The following BCAS3 variants were observed in gnomAD, a reference collection of about 807,000 sequenced individuals.
BCAS3 encodes BCAS3 microtubule associated cell migration factor.
A neutral mutation model predicts 116.1 loss-of-function variants in BCAS3; 53 were observed. The ratio of observed to expected loss-of-function variants is 0.46; its 90% CI spans 0.37 to 0.57. The LOEUF (loss-of-function observed/expected upper bound fraction) is 0.57, where lower values mean the gene tolerates loss of function less well. Ranked by LOEUF, BCAS3 falls within the 20% of genes least tolerant of loss-of-function variation. The probability of loss-of-function intolerance (pLI) is 0.00; values close to 1 mark genes in which losing one functional copy is unlikely to be tolerated. For missense variants in BCAS3, 917 were observed against 1,165.4 expected, an observed-to-expected ratio of 0.79 and a Z score of 3.10; for synonymous variants, 391 against 408.2, an observed-to-expected ratio of 0.96 and a Z score of 0.51.
At chr17:60,999,563 AAG>A (rs1487573426) in intron 15 of BCAS3, among the ~76,000 whole-genome samples, 8 of 149,056 alleles carry the variant, frequency 5.4e-5, no homozygotes, top group African/African-American at 1.8e-4. Flanking sequence ...AAAAAAAAAA[AAG>A]AAAAAGAAAA....
At chr17:60,861,415 A>T (rs553654819) in intron 7 of BCAS3, among the ~76,000 whole-genome samples, 1 of 152,298 alleles carries the variant, frequency 6.6e-6, no homozygotes, top group East Asian at 1.9e-4. Flanking sequence ...TTTTCTAGGT[A>T]TTGAATCATA....
rs1157997749 is a variant in BCAS3 at position 61,380,944 on chromosome 17, G to A, written c.2594-11033G>A. Among the ~76,000 whole-genome samples the A allele has an allele frequency of 6.6e-6, 1 of 152,226 alleles. No homozygotes were observed. Among genetic ancestry groups the A allele is most frequent in the Admixed American group, 6.5e-5 (1 of 15,290 alleles). ...TTTGATTTGTACCTATTCATTTGCA[G>A]TCCCTGCAGGAGCCTGGAGCTGGCC... is the stretch of plus-strand genomic sequence containing the variant. On this transcript the variant is annotated intron_variant, in intron 23 of 23. Coordinates refer to ENST00000407086, the MANE Select transcript of BCAS3 (RefSeq NM_017679.5). The surrounding 1 kb of genome is among the most constrained non-coding windows in gnomAD (Gnocchi z 4.2).
intron 7 of BCAS3, chr17:60,810,610 T>G (rs756334447): frequency 1.4e-6 from 1 of 705,794 alleles, no homozygotes; most frequent in Middle Eastern, 2.9e-4. Context: ...GGACAGTGCC[T>G]GCATCGTTCT....
At chr17:61,129,543 A>G (rs2076222814) in intron 22 of BCAS3, among the ~76,000 whole-genome samples, 1 of 152,182 alleles carries the variant, frequency 6.6e-6, no homozygotes, top group Admixed American at 6.5e-5. Flanking sequence ...GTGGGTGGGT[A>G]TTTGTCAGGA....
chr17:60,774,543 T>A (rs1468819080), intron 6 of BCAS3, among the ~76,000 whole-genome samples: 1 of 152,238 alleles, frequency 6.6e-6, no homozygotes, highest in Non-Finnish European at 1.5e-5. Context: ...CAGGACTATT[T>A]TGTATTCCTT....
intron 13 of BCAS3, among the ~76,000 whole-genome samples, chr17:60,928,798 C>T (rs2059492821): frequency 6.6e-6 from 1 of 152,148 alleles, no homozygotes; most frequent in Admixed American, 6.5e-5. Context: ...TTAGCCATGG[C>T]TTCTAACCAT....
chr17:60,814,068 G>C (rs1453005424), intron 7 of BCAS3, among the ~76,000 whole-genome samples: 4 of 152,100 alleles, frequency 2.6e-5, no homozygotes, highest in Admixed American at 6.6e-5. Flanking sequence ...TGAGAAAAGT[G>C]ACATTGGTAG....
intron 6 of BCAS3, among the ~76,000 whole-genome samples, chr17:60,760,703 T>C (rs909741899): frequency 1.3e-5 from 2 of 152,134 alleles, no homozygotes; most frequent in African/African-American, 4.8e-5. Flanking sequence ...CTTTTTGCAT[T>C]ATATTTGGGG....
intron 22 of BCAS3, among the ~76,000 whole-genome samples, chr17:61,338,816 A>AT (rs910409651): frequency 3.0e-5 from 4 of 132,684 alleles, no homozygotes; most frequent in African/African-American, 8.2e-5. Flanking sequence ...CTGAAAAGTT[A>AT]TTTTTTTTCA....
Position 61,377,927 on chromosome 17 carries a change from G to A in BCAS3, c.2593+9433G>A, listed in dbSNP as rs953731717. The A allele has an allele frequency of 2.6e-5, 4 of 152,132 alleles. No individual in the cohort carries two copies. Among genetic ancestry groups the A allele is most frequent in the East Asian group, 1.9e-4 (1 of 5,200 alleles). 9.4% of individuals were successfully genotyped at this position (152,132 alleles called of 1,614,324 possible). On this transcript the variant is annotated intron_variant, in intron 23 of 23. Transcript: ENST00000407086. This position sits in a 1 kb window ranked among gnomAD's most constrained non-coding sequence, Gnocchi z 4.6. ...AGGTTCCAGTTATTAAGATCCTGCCGGTCTCCCATGGTCTGAAGGGTTGGA... is the reference window on the plus strand; with the variant it reads ...AGGTTCCAGTTATTAAGATCCTGCCAGTCTCCCATGGTCTGAAGGGTTGGA...
At chr17:60,949,127 G>A (rs1218791325) in intron 14 of BCAS3, among the ~76,000 whole-genome samples, 1 of 151,970 alleles carries the variant, frequency 6.6e-6, no homozygotes, top group Non-Finnish European at 1.5e-5. Flanking sequence ...CACCTGCCTT[G>A]GCCTGCCAAA....
At chr17:60,681,527 T>C (rs904439287) in intron 2 of BCAS3, among the ~76,000 whole-genome samples, 6 of 150,926 alleles carry the variant, frequency 4.0e-5, no homozygotes, top group Non-Finnish European at 8.9e-5. Context: ...TAAATAGATA[T>C]ATTTTATATG....
At chr17:60,989,447 T>G (rs2063382752) in intron 14 of BCAS3, among the ~76,000 whole-genome samples, 1 of 151,966 alleles carries the variant, frequency 6.6e-6, no homozygotes, top group African/African-American at 2.4e-5. Flanking sequence ...CTCAGGTCTG[T>G]GGCTCACCAC....
rs2059600566 is a variant in BCAS3, at chr17:61,381,442, G to T, written c.2594-10535G>T. Among the ~76,000 whole-genome samples, 2 of 152,184 alleles carry T rather than the reference G, an allele frequency of 1.3e-5. No individual in the cohort carries two copies. The highest frequency in any genetic ancestry group is 2.1e-4 in the South Asian group (1 of 4,824). On this transcript the variant is annotated intron_variant, in intron 23 of 23. Transcript: ENST00000407086. The surrounding 1 kb of genome is among the most constrained non-coding windows in gnomAD (Gnocchi z 6.0). ...TGTGATCCTTTCCCAGCCGCGGCGTGTGGGCTTGAGACACAGGCTGGGACC... is the reference window on the plus strand; with the variant it reads ...TGTGATCCTTTCCCAGCCGCGGCGTTTGGGCTTGAGACACAGGCTGGGACC...
At chr17:60,931,461 G>A (rs1332660108) in intron 13 of BCAS3, among the ~76,000 whole-genome samples, 1 of 151,904 alleles carries the variant, frequency 6.6e-6, no homozygotes, top group African/African-American at 2.4e-5. Context: ...ATTTTTAGTA[G>A]CGATGGCATT....
intron 4 of BCAS3, among the ~76,000 whole-genome samples, chr17:60,693,424 T>A (rs551045359): frequency 1.3e-5 from 2 of 151,876 alleles, no homozygotes; most frequent in African/African-American, 4.8e-5. Flanking sequence ...TGTATTTTTT[T>A]TTTTGACAGA....
chr17:60,809,165 C>G (rs1328534901), intron 7 of BCAS3, among the ~76,000 whole-genome samples: 1 of 151,554 alleles, frequency 6.6e-6, no homozygotes, highest in Non-Finnish European at 1.5e-5. Flanking sequence ...GTGCCTATAA[C>G]CCCAACTACC....
chr17:61,038,181 C>G (rs1217034137), intron 18 of BCAS3, 127 bp downstream of exon 18: 1 of 762,044 alleles, frequency 1.3e-6, no homozygotes, highest in Non-Finnish European at 2.0e-6. Context: ...ACATGGTAAA[C>G]AAATACATCA....
chr17:60,880,230 G>C (rs2055987545), intron 9 of BCAS3, among the ~76,000 whole-genome samples: 2 of 151,186 alleles, frequency 1.3e-5, no homozygotes, highest in South Asian at 4.2e-4. Flanking sequence ...GGTATTTAAT[G>C]TTTTATATGC....
Sources: allele counts gnomAD v4.1 joint callset (sites outside exome capture counted in the v4.1 genomes callset), GRCh38; gene constraint gnomAD v4.1.1; non-coding constraint Gnocchi (gnomAD v3.1); transcripts MANE v1.5; gene names NCBI Gene and HGNC (gene_info 2026-07-23, HGNC 2026-07-21).